The following LYPLAL1 variants were observed in gnomAD, a reference collection of about 807,000 sequenced individuals.
LYPLAL1 encodes lysophospholipase like 1.
Under a neutral mutation model 19.7 loss-of-function variants are expected in LYPLAL1, and 23 were observed. That is an observed-to-expected ratio of 1.17 (90% CI 0.84 to 1.65). The LOEUF is 1.65. LYPLAL1 is among the 40% of genes most tolerant of loss of function. The pLI is 0.00. For synonymous variants in LYPLAL1, 119 were observed against 96.3 expected, an observed-to-expected ratio of 1.24 and a Z score of -1.38; for missense variants, 355 against 279.4, an observed-to-expected ratio of 1.27 and a Z score of -1.93.
the LYPLAL1 span, among the ~76,000 whole-genome samples, chr1:219,298,771 T>A: frequency 6.6e-6 from 1 of 152,240 alleles, no homozygotes; most frequent in Admixed American, 6.5e-5. Context: ...GGTCATTCTT[T>A]CTTTTTTCTA....
chr1:219,193,155 G>C lies in LYPLAL1; in HGVS notation c.265G>C (p.Glu89Gln), dbSNP rs1657328477. ...DRFKITNDCP[E>Q]HLESIDVMCQ... ...ATTTAAAATAACCAATGACTGCCCAGAACACCTTGAATCAATTGATGTCAT... is the reference window on the plus strand; with the variant it reads ...ATTTAAAATAACCAATGACTGCCCACAACACCTTGAATCAATTGATGTCAT... The change falls in exon 3 of 5, where the codon GAA (glutamate) becomes CAA (glutamine). Residue 89 changes from glutamate to glutamine, a missense_variant. Physicochemically the swap from Glu to Gln is conservative, Grantham distance 29 (BLOSUM62 2). Coordinates refer to ENST00000366928, the MANE Select transcript of LYPLAL1 (RefSeq NM_138794.5). The C allele has an allele frequency of 6.2e-7, 1 of 1,609,400 alleles. No homozygotes were observed. The highest frequency in any genetic ancestry group is 1.3e-5 in the African/African-American group (1 of 74,418).
chr1:219,293,901 T>C, the LYPLAL1 span, among the ~76,000 whole-genome samples: 1 of 152,166 alleles, frequency 6.6e-6, no homozygotes, highest in African/African-American at 2.4e-5. Flanking sequence ...TTACAGGACT[T>C]ACGTTTTCTC....
chr1:219,252,034 T>C, the LYPLAL1 span, among the ~76,000 whole-genome samples: 1 of 151,962 alleles, frequency 6.6e-6, no homozygotes, highest in African/African-American at 2.4e-5. Flanking sequence ...TATTTTACTC[T>C]TTTTTGTGGC....
the LYPLAL1 span, among the ~76,000 whole-genome samples, chr1:219,378,353 G>A: frequency 6.6e-6 from 1 of 151,980 alleles, no homozygotes; most frequent in South Asian, 2.1e-4. Flanking sequence ...TGAGCAAAAG[G>A]GGAAAAGCCC....
the LYPLAL1 span, among the ~76,000 whole-genome samples, chr1:219,319,913 T>A: frequency 6.6e-6 from 1 of 152,232 alleles, no homozygotes; most frequent in Admixed American, 6.5e-5. Flanking sequence ...TGTGTGGGGT[T>A]AACTAGTCTT....
At chr1:219,309,389 T>C in the LYPLAL1 span, among the ~76,000 whole-genome samples, 1 of 152,116 alleles carries the variant, frequency 6.6e-6, no homozygotes, top group Non-Finnish European at 1.5e-5. Context: ...GAGTTAAGAC[T>C]TTGGGGGACT....
chr1:219,270,620 G>T, the LYPLAL1 span, among the ~76,000 whole-genome samples: 2 of 152,162 alleles, frequency 1.3e-5, no homozygotes, highest in Non-Finnish European at 2.9e-5. Context: ...AGATGGAGTC[G>T]CTGTGCTGAA....
At chr1:219,187,903 G>A (rs1030601351) in intron 2 of LYPLAL1, among the ~76,000 whole-genome samples, 2 of 151,594 alleles carry the variant, frequency 1.3e-5, no homozygotes, top group Non-Finnish European at 3.0e-5. Context: ...TAAGTATTAG[G>A]TATGTTTAAA....
At chr1:219,179,981 T>G (rs1226826431) in intron 2 of LYPLAL1, among the ~76,000 whole-genome samples, 1 of 152,158 alleles carries the variant, frequency 6.6e-6, no homozygotes, top group East Asian at 1.9e-4. Flanking sequence ...TGATTTTTTT[T>G]TGTTTCTTTT....
the LYPLAL1 span, among the ~76,000 whole-genome samples, chr1:219,415,042 C>A: frequency 6.6e-6 from 1 of 151,992 alleles, no homozygotes; most frequent in East Asian, 1.9e-4. Context: ...GAAAGATGTC[C>A]AAAGTAAAAT....
At chr1:219,376,561 G>A in the LYPLAL1 span, among the ~76,000 whole-genome samples, 1 of 152,180 alleles carries the variant, frequency 6.6e-6, no homozygotes, top group African/African-American at 2.4e-5. Flanking sequence ...AAAATTGTAT[G>A]TTTGAGTAGA....
the LYPLAL1 span, among the ~76,000 whole-genome samples, chr1:219,330,967 C>T: frequency 0.071 from 10,883 of 152,258 alleles, 509 homozygotes; most frequent in South Asian, 0.14. Flanking sequence ...ATATTAGCAA[C>T]TGGCAGAAAT....
chr1:219,299,826 G>A, the LYPLAL1 span, among the ~76,000 whole-genome samples: 61 of 152,138 alleles, frequency 4.0e-4, no homozygotes, highest in Non-Finnish European at 6.6e-4. Flanking sequence ...CTTACTTGAA[G>A]CTGACTAGTT....
chr1:219,252,858 G>A, the LYPLAL1 span, among the ~76,000 whole-genome samples: 5 of 152,042 alleles, frequency 3.3e-5, no homozygotes, highest in Admixed American at 2.6e-4. Context: ...TGTAGGAAGG[G>A]TACCAGCTCA....
intron 2 of LYPLAL1, among the ~76,000 whole-genome samples, chr1:219,184,920 G>A (rs188840819): frequency 1.4e-5 from 2 of 142,798 alleles, no homozygotes; most frequent in Admixed American, 6.7e-5. Flanking sequence ...CGTTATCATC[G>A]GGGTTATGCT....
chr1:219,345,464 G>C, the LYPLAL1 span, among the ~76,000 whole-genome samples: 2 of 152,102 alleles, frequency 1.3e-5, no homozygotes, highest in African/African-American at 4.8e-5. Context: ...TTTTGTTTTG[G>C]ATTCATGAAT....
At chr1:219,289,365 C>A in the LYPLAL1 span, among the ~76,000 whole-genome samples, 1 of 152,078 alleles carries the variant, frequency 6.6e-6, no homozygotes, top group Non-Finnish European at 1.5e-5. Context: ...TTGTGAAGTG[C>A]TGTATATTTA....
At chr1:219,432,063 CTTTGA>C in the LYPLAL1 span, among the ~76,000 whole-genome samples, 3 of 152,156 alleles carry the variant, frequency 2.0e-5, no homozygotes, top group Non-Finnish European at 4.4e-5. Context: ...CTTTCAGCTG[CTTTGA>C]TTTAAGAAGA....
the LYPLAL1 span, among the ~76,000 whole-genome samples, chr1:219,294,937 C>T: frequency 6.6e-6 from 1 of 152,130 alleles, no homozygotes; most frequent in African/African-American, 2.4e-5. Flanking sequence ...TTGTATCTCA[C>T]CTCAATCTCT....
Sources: gnomAD v4.1 joint callset for allele counts (sites outside exome capture counted in the v4.1 genomes callset) on GRCh38, gnomAD v4.1.1 for gene constraint, MANE v1.5 for transcripts, NCBI Gene and HGNC (gene_info 2026-07-23, HGNC 2026-07-21) for gene names.